The following HIVEP1 variants were observed in gnomAD, a reference collection of about 807,000 sequenced individuals.
The protein encoded by HIVEP1 is zinc finger protein 40.
Under a neutral mutation model 180.0 loss-of-function variants are expected in HIVEP1, and 36 were observed. The ratio of observed to expected loss-of-function variants is 0.20; its 90% confidence interval spans 0.15 to 0.26. The LOEUF (loss-of-function observed/expected upper bound fraction) is 0.26. HIVEP1 is among the 10% of genes least tolerant of loss of function. The pLI, the probability that HIVEP1 is intolerant of heterozygous loss-of-function variation, is 1.00. For missense variants in HIVEP1, 3,143 were observed against 3,268.7 expected (o/e 0.96, Z 0.94); for synonymous variants, 1,239 against 1,239.0 (o/e 1.00, Z 0.00).
At chr6:12,089,040 C>T in intron 2 of HIVEP1, 144 bp from the exon 3 acceptor site, 1 of 480,452 alleles carries the variant, frequency 2.1e-6, no homozygotes, top group Non-Finnish European at 3.8e-6. Flanking sequence ...TATCCTTCAA[C>T]AGTTTATACA....
Position 12,120,253 on chromosome 6 carries a change from C to T in HIVEP1, c.458C>T (p.Pro153Leu), listed in dbSNP as rs1363118783. 3 of 1,614,052 alleles carry T rather than the reference C, an allele frequency of 1.9e-6. No homozygotes were observed. In the African/African-American group the frequency reaches 4.0e-5, roughly 22 times the overall value. ...AGATGGAGATCCGAAGGCGCTGATCCTGCCAAATTCAGTGACCTCGATGAA... is the reference window on the plus strand; with the variant it reads ...AGATGGAGATCCGAAGGCGCTGATCTTGCCAAATTCAGTGACCTCGATGAA... ...LRRWRSEGAD[P>L]AKFSDLDEQC... Residue 153 changes from proline to leucine, a missense_variant, in exon 4 of 9, where the codon CCT (proline) becomes CTT (leucine). By Grantham distance (98) the Pro-to-Leu change is moderately conservative (BLOSUM62 -3). This residue lies in a region of HIVEP1 where 306 missense variants were observed against 310.6 expected (regional missense o/e 0.99). Transcript: ENST00000379388.
At chr6:12,132,162 A>G (rs776281355) in intron 6 of HIVEP1, among the ~76,000 whole-genome samples, 7 of 152,170 alleles carry the variant, frequency 4.6e-5, no homozygotes, top group East Asian at 1.9e-4. Flanking sequence ...TCCCTCTGTC[A>G]TTGGAGGGTG....
intron 2 of HIVEP1, among the ~76,000 whole-genome samples, chr6:12,058,805 CAAAAG>C (rs1389232997): frequency 6.6e-6 from 1 of 152,018 alleles, no homozygotes; most frequent in Non-Finnish European, 1.5e-5. Context: ...GTAAGCTTTG[CAAAAG>C]AAAATTTTAC....
the HIVEP1 span, among the ~76,000 whole-genome samples, chr6:12,180,396 G>T: frequency 1.3e-5 from 2 of 152,028 alleles, no homozygotes; most frequent in Non-Finnish European, 2.9e-5. Context: ...CATCTACTGA[G>T]GAGAAAGAGT....
downstream of HIVEP1, chr6:12,165,025 A>G: frequency 6.9e-6 from 3 of 434,282 alleles, no homozygotes; most frequent in South Asian, 5.2e-5. Flanking sequence ...TGCCTTCTTT[A>G]TATCATCCAG....
chr6:12,163,256 A>G (rs750125394), intron 8 of HIVEP1, 27 bp from the exon 9 acceptor site: 1 of 1,555,062 alleles, frequency 6.4e-7, no homozygotes, highest in Non-Finnish European at 8.8e-7. Flanking sequence ...ACCTGTCATA[A>G]AAGGATTGCT....
In HIVEP1 at chr6:12,123,726, A is replaced by G. The variant is rs1464566352; in HGVS notation, c.3931A>G (p.Ser1311Gly). The change falls in exon 4 of 9, where the codon AGT (serine) becomes GGT (glycine). Residue 1311 changes from serine to glycine, a missense_variant. Around this residue, in one of 12 missense-constraint regions of HIVEP1, gnomAD observed 1,357 missense variants for 1,260.5 expected, o/e 1.08. Coordinates refer to ENST00000379388, the MANE Select transcript of HIVEP1 (RefSeq NM_002114.4). The part of the protein sequence containing the change: ...TLSRSLSRES[S>G]LSHTSSFSAS... ...CTCCAGGAGTCTAAGTAGGGAGAGC[A>G]GTTTATCTCACACTTCAAGTTTCTC... The G allele has an allele frequency of 6.2e-7, 1 of 1,613,930 alleles. No individual in the cohort carries two copies.
At chr6:12,023,374 C>G (rs150662473) in intron 2 of HIVEP1, among the ~76,000 whole-genome samples, 1 of 152,090 alleles carries the variant, frequency 6.6e-6, no homozygotes, top group South Asian at 2.1e-4. Flanking sequence ...GTTTAAGCAT[C>G]GTTTTTCACA....
chr6:12,034,188 A>G (rs1769132430), intron 2 of HIVEP1, among the ~76,000 whole-genome samples: 1 of 152,224 alleles, frequency 6.6e-6, no homozygotes, highest in South Asian at 2.1e-4. Flanking sequence ...GAGTCAAGCA[A>G]GAAGTTATGT....
rs375490113 is a variant in HIVEP1 at position 12,124,038 on chromosome 6, G to A, written c.4243G>A (p.Val1415Met). 6.1e-5 allele frequency: 98 copies of A among 1,613,988 alleles called. 2 individuals are homozygous for A. The African/African-American group carries it at 1.3e-3, about 21-fold the overall frequency. ...QPPSSPSRVG[V>M]TGHVPLLERR... ...TCCATCTTCACCTTCTCGAGTGGGAGTGACTGGGCATGTGCCTCTCTTAGA... is the reference window on the plus strand; with the variant it reads ...TCCATCTTCACCTTCTCGAGTGGGAATGACTGGGCATGTGCCTCTCTTAGA... Residue 1415 changes from valine (V) to methionine (M), a missense_variant, in exon 4 of 9, where the codon GTG (valine) becomes ATG (methionine). Val to Met is a conservative substitution (Grantham distance 21, BLOSUM62 1). Transcript: ENST00000379388.
At chr6:12,053,916 A>G (rs1160993979) in intron 2 of HIVEP1, among the ~76,000 whole-genome samples, 1 of 152,240 alleles carries the variant, frequency 6.6e-6, no homozygotes, top group Non-Finnish European at 1.5e-5. Context: ...AATAAAGAAT[A>G]TGACAAATAG....
At chr6:12,167,593 T>C (rs1345632648), downstream of HIVEP1, among the ~76,000 whole-genome samples, 1 of 114,008 alleles carries the variant, frequency 8.8e-6, no homozygotes, top group African/African-American at 3.5e-5. Context: ...TTATATTACA[T>C]GTATATATAC....
intron 7 of HIVEP1, among the ~76,000 whole-genome samples, chr6:12,158,183 T>C: frequency 6.6e-6 from 1 of 152,206 alleles, no homozygotes; most frequent in East Asian, 1.9e-4. Context: ...TGTTGAAAGC[T>C]GTACATCTTG....
chr6:12,198,606 G>A, the HIVEP1 span, among the ~76,000 whole-genome samples: 3 of 152,306 alleles, frequency 2.0e-5, no homozygotes, highest in African/African-American at 7.2e-5. Flanking sequence ...GTGTTAGAAG[G>A]TGACAGGTGC....
intron 3 of HIVEP1, among the ~76,000 whole-genome samples, chr6:12,108,124 T>G (rs912715064): frequency 6.6e-6 from 1 of 152,014 alleles, no homozygotes; most frequent in African/African-American, 2.4e-5. Context: ...GACATAAAGT[T>G]TCTCCAAGGC....
the HIVEP1 span, among the ~76,000 whole-genome samples, chr6:12,186,882 A>G: frequency 6.8e-6 from 1 of 147,358 alleles, no homozygotes; most frequent in African/African-American, 2.5e-5. Context: ...GAAGAGCATG[A>G]GCATTTTTTT....
chr6:12,143,843 C>T (rs1275969275), intron 7 of HIVEP1, among the ~76,000 whole-genome samples: 1 of 152,110 alleles, frequency 6.6e-6, no homozygotes, highest in Non-Finnish European at 1.5e-5. Context: ...TGTGAAGGAC[C>T]TCTTCAAGGA....
In HIVEP1 at chr6:12,124,966, C is replaced by G. The variant is rs1757966677; in HGVS notation, c.5171C>G (p.Pro1724Arg). 8 of 1,614,064 alleles carry G rather than the reference C, an allele frequency of 5.0e-6. No homozygotes were observed. Among genetic ancestry groups the G allele is most frequent in the Non-Finnish European group, 5.9e-6 (7 of 1,180,024 alleles). The change falls in exon 4 of 9, where the codon CCC (proline) becomes CGC (arginine). Residue 1724 changes from proline to arginine, a missense_variant. This residue lies in a region of HIVEP1 where 1,357 missense variants were observed against 1,260.5 expected (regional missense o/e 1.08). Transcript: ENST00000379388. Reference sequence around the variant, plus strand: ...AATTCTTCTCTATCAGAATCCTTGCCCATAACTCAGAAAATATCTGTTGGT... The same window carrying G: ...AATTCTTCTCTATCAGAATCCTTGCGCATAACTCAGAAAATATCTGTTGGT... The part of the protein sequence containing the change: ...SQNSSLSESL[P>R]ITQKISVGRL...
chr6:12,124,092 A>G lies in HIVEP1; in HGVS notation c.4297A>G (p.Ile1433Val). The G allele has an allele frequency of 1.9e-6, 3 of 1,614,130 alleles. No homozygotes were observed. In the South Asian group the frequency reaches 3.3e-5, roughly 18 times the overall value. ...ERRRGPLVRQ[I>V]SLNIAPDSHL... ...AAGGAGAGGCCCACTGGTACGGCAA[A>G]TATCTTTAAACATAGCCCCAGATAG... is the stretch of plus-strand genomic sequence containing the variant. The change falls in exon 4 of 9, where the codon ATA becomes GTA. Residue 1433 changes from isoleucine to valine, a missense_variant. Ile to Val is a conservative substitution (Grantham distance 29). This residue lies in a region of HIVEP1 where 1,357 missense variants were observed against 1,260.5 expected (regional missense o/e 1.08). Coordinates refer to ENST00000379388, the MANE Select transcript of HIVEP1 (RefSeq NM_002114.4).
Sources: gnomAD v4.1 joint callset for allele counts (sites outside exome capture counted in the v4.1 genomes callset) on GRCh38, gnomAD v4.1.1 for gene constraint, gnomAD v4.1.1 regional missense constraint, MANE v1.5 for transcripts, NCBI Gene and HGNC (gene_info 2026-07-23, HGNC 2026-07-21) for gene names.